Variants in C7orf57 observed in about 807,000 individuals in gnomAD.
C7orf57 encodes chromosome 7 open reading frame 57.
In C7orf57, 33 loss-of-function variants were observed where a neutral mutation model predicts 39.0. The ratio of observed to expected loss-of-function variants is 0.85; its 90% confidence interval spans 0.64 to 1.13. C7orf57 has a LOEUF of 1.13. C7orf57 is among the 50% of genes most tolerant of loss of function. The probability of loss-of-function intolerance (pLI) is 0.00; values close to 1 mark genes in which losing one functional copy is unlikely to be tolerated. For missense variants in C7orf57, 346 were observed against 362.3 expected (o/e 0.95, Z 0.37); for synonymous variants, 124 against 137.1 (o/e 0.90, Z 0.67).
In C7orf57 at chr7:48,051,862, T is replaced by C. The variant is rs1421978351; in HGVS notation, c.606-838T>C. Among the ~76,000 whole-genome samples, 257 of 82,826 alleles carry C rather than the reference T, an allele frequency of 3.1e-3. 25 individuals are homozygous for C. The highest frequency in any genetic ancestry group is 5.8e-3 in the South Asian group (15 of 2,600). The allele number at this position is 82,826 out of a possible 152,430, so 54.3% of individuals were successfully genotyped here. ...TTCTTTCTTTCTTTCTTTCTTTCTTTCTTTCTTTCTCTTTCTCTTTCTTTC... is the reference window on the plus strand; with the variant it reads ...TTCTTTCTTTCTTTCTTTCTTTCTTCCTTTCTTTCTCTTTCTCTTTCTTTC... On this transcript the variant is annotated intron_variant, in intron 6 of 8. Coordinates refer to ENST00000348904, the MANE Select transcript of C7orf57 (RefSeq NM_001100159.3).
At chr7:48,050,277 C>T (rs1355303935) in intron 6 of C7orf57, among the ~76,000 whole-genome samples, 2 of 152,204 alleles carry the variant, frequency 1.3e-5, no homozygotes, top group Non-Finnish European at 2.9e-5. Flanking sequence ...TCCAAGATAC[C>T]ACCCTCACCA....
Position 48,043,528 on chromosome 7 carries a change from G to T in C7orf57, c.289G>T (p.Ala97Ser). 2 of 1,613,846 alleles carry T rather than the reference G, an allele frequency of 1.2e-6. No homozygotes were observed. The highest frequency in any genetic ancestry group is 1.7e-6 in the Non-Finnish European group (2 of 1,179,852). ...APGTRKGSPVAYSLPDWYIHH... is the reference protein window; with the variant it reads ...APGTRKGSPVSYSLPDWYIHH... The stretch of plus-strand genomic sequence containing the variant: ...TGGAACCAGGAAAGGCTCTCCAGTG[G>T]CCTACTCCCTGCCAGACTGGTATAT... Residue 97 changes from alanine to serine, a missense_variant, in exon 4 of 9, where the codon GCC (alanine) becomes TCC (serine). Physicochemically the swap from Ala to Ser is moderately conservative, Grantham distance 99. Transcript: ENST00000348904.
chr7:48,059,568 C>G (rs1469556916), intron 8 of C7orf57, among the ~76,000 whole-genome samples: 1 of 152,212 alleles, frequency 6.6e-6, no homozygotes, highest in East Asian at 1.9e-4. Flanking sequence ...CCAGGCTGGT[C>G]TTGAACTCCT....
At chr7:48,059,161 T>C (rs1791216462) in intron 8 of C7orf57, among the ~76,000 whole-genome samples, 1 of 152,202 alleles carries the variant, frequency 6.6e-6, no homozygotes, top group Non-Finnish European at 1.5e-5. Context: ...CTCTCCACTG[T>C]CAGTCTGACC....
Position 48,052,702 on chromosome 7 carries a change from C to T in C7orf57, c.608C>T (p.Pro203Leu), listed in dbSNP as rs1562630983. The T allele has an allele frequency of 1.2e-6, 2 of 1,613,240 alleles. No homozygotes were observed. Among genetic ancestry groups the T allele is most frequent in the Admixed American group, 3.3e-5 (2 of 59,974 alleles). The change falls in exon 7 of 9, where the codon CCT becomes CTT. Residue 203 changes from proline to leucine, a missense_variant and splice_region_variant. By Grantham distance (98) the Pro-to-Leu change is moderately conservative. Transcript: ENST00000348904. ...AGSRLSFPPV[P>L]GQKNSSPTNF... ...ACATTACTTTTACTCTTTTTAAGGC[C>T]TGGTCAAAAAAACAGTTCACCTACC...
At chr7:48,036,927 C>T (rs544609208) in intron 2 of C7orf57, among the ~76,000 whole-genome samples, 2 of 131,132 alleles carry the variant, frequency 1.5e-5, no homozygotes, top group East Asian at 4.3e-4. Flanking sequence ...ATGCTGTCTT[C>T]TGGGTTTTTT....
At chr7:48,040,316 C>T (rs1790509702) in intron 2 of C7orf57, among the ~76,000 whole-genome samples, 1 of 152,238 alleles carries the variant, frequency 6.6e-6, no homozygotes, top group Admixed American at 6.5e-5. Context: ...TCTCTTCCTC[C>T]ACTCGATTGT....
chr7:48,037,000 C>G (rs1256373252), intron 2 of C7orf57, among the ~76,000 whole-genome samples: 4 of 151,696 alleles, frequency 2.6e-5, no homozygotes, highest in Admixed American at 2.6e-4. Context: ...AGAAGAGGGT[C>G]CTGGGGATCA....
At position 48,035,573 on chromosome 7, in the gene C7orf57, G is replaced by C. The variant is rs1790324928; in HGVS notation, c.-159G>C. ...TGGTTGGCTGCAGCCAGCCAGCCGT[G>C]TAAAAACTCCAACGCCGGGCGCCGC... On this transcript the variant is annotated 5_prime_UTR_variant, in exon 1 of 9. Transcript: ENST00000348904. The surrounding 1 kb of genome is among the most constrained non-coding windows in gnomAD (Gnocchi z 4.0). The C allele has an allele frequency of 1.4e-6, 1 of 697,696 alleles. No homozygotes were observed. Among genetic ancestry groups the C allele is most frequent in the Admixed American group, 2.0e-5 (1 of 49,822 alleles). The allele number at this position is 697,696 out of a possible 1,614,324, so 43.2% of individuals were successfully genotyped here.
chr7:48,050,279 C>T (rs1428679230), intron 6 of C7orf57, among the ~76,000 whole-genome samples: 1 of 152,224 alleles, frequency 6.6e-6, no homozygotes, highest in East Asian at 1.9e-4. Context: ...CAAGATACCA[C>T]CCTCACCACA....
At chr7:48,051,803 C>CTT (rs1790917807) in intron 6 of C7orf57, among the ~76,000 whole-genome samples, 2 of 62,794 alleles carry the variant, frequency 3.2e-5, no homozygotes, top group South Asian at 6.0e-4. Flanking sequence ...TCTTTCCTTC[C>CTT]TTCCTTTTCT....
At chr7:48,039,686 A>G (rs1790487632) in intron 2 of C7orf57, among the ~76,000 whole-genome samples, 1 of 152,198 alleles carries the variant, frequency 6.6e-6, no homozygotes, top group African/African-American at 2.4e-5. Context: ...GGTCCAGCCA[A>G]GTTGACACAT....
intron 2 of C7orf57, 87 bp from the exon 3 acceptor site, chr7:48,041,247 T>C: frequency 8.1e-7 from 1 of 1,236,576 alleles, no homozygotes; most frequent in Non-Finnish European, 1.1e-6. Flanking sequence ...CCTGATGGTG[T>C]TGTCTGCATA....
intron 8 of C7orf57, among the ~76,000 whole-genome samples, chr7:48,058,898 G>A (rs182165338): frequency 5.5e-4 from 84 of 152,332 alleles, no homozygotes; most frequent in Non-Finnish European, 1.5e-4. Context: ...TATTGCAGGT[G>A]TTATGTAATC....
At chr7:48,056,583 T>A (rs1034311888) in intron 8 of C7orf57, among the ~76,000 whole-genome samples, 9 of 152,200 alleles carry the variant, frequency 5.9e-5, no homozygotes, top group African/African-American at 2.2e-4. Context: ...AATCTGAAAA[T>A]CTGAAATCAA....
At chr7:48,052,955 G>C in intron 7 of C7orf57, 32 bp downstream of exon 7, 1 of 1,547,590 alleles carries the variant, frequency 6.5e-7, no homozygotes, top group South Asian at 1.1e-5. Context: ...GCATTTATTG[G>C]AGGCTTGGTT....
intron 6 of C7orf57, among the ~76,000 whole-genome samples, chr7:48,051,856 T>TTTCC (rs1790944757): frequency 1.3e-5 from 1 of 79,822 alleles, no homozygotes; most frequent in Non-Finnish European, 2.4e-5. Context: ...TCTTTCTTTC[T>TTTCC]TTCTTTCTTT....
Position 48,053,163 on chromosome 7 carries a change from T to C in C7orf57, c.829+240T>C, listed in dbSNP as rs2128797742. 5 of 619,214 alleles carry C rather than the reference T, an allele frequency of 8.1e-6. 1 individual carries two copies. Among genetic ancestry groups the C allele is most frequent in the South Asian group, 8.0e-5 (5 of 62,230 alleles). The allele number at this position is 619,214 out of a possible 1,614,324, so 38.4% of individuals were successfully genotyped here. Reference sequence around the variant, plus strand: ...ACTTTTGGGGTTTCACATTTTCTTTTATTTGTCAAAAATTTTGATAGTCCA... The same window carrying C: ...ACTTTTGGGGTTTCACATTTTCTTTCATTTGTCAAAAATTTTGATAGTCCA... On this transcript the variant is annotated intron_variant, in intron 7 of 8. Transcript: ENST00000348904.
At chr7:48,046,227 G>A (rs1461965814) in intron 4 of C7orf57, among the ~76,000 whole-genome samples, 1 of 151,202 alleles carries the variant, frequency 6.6e-6, no homozygotes, top group African/African-American at 2.4e-5. Flanking sequence ...AATAAGGGAG[G>A]GAGAGAAAGA....
Sources: allele counts gnomAD v4.1 joint callset (sites outside exome capture counted in the v4.1 genomes callset), GRCh38; gene constraint gnomAD v4.1.1; non-coding constraint Gnocchi (gnomAD v3.1); transcripts MANE v1.5; gene names NCBI Gene and HGNC (gene_info 2026-07-23, HGNC 2026-07-21).